EXOC4: variants seen among roughly 807,000 people sequenced by gnomAD.
EXOC4 encodes exocyst complex component 4.
A neutral mutation model predicts 107.2 loss-of-function variants in EXOC4; 71 were observed. The ratio of observed to expected loss-of-function variants is 0.66; its 90% CI spans 0.55 to 0.81. The LOEUF (loss-of-function observed/expected upper bound fraction) is 0.81, where lower values mean the gene tolerates loss of function less well. Among genes scored for constraint, EXOC4 ranks in the 30% least tolerant of loss-of-function variants. The probability of loss-of-function intolerance (pLI) is 0.00; values close to 1 mark genes in which losing one functional copy is unlikely to be tolerated. For missense variants in EXOC4, 1,108 were observed against 1,189.6 expected, an observed-to-expected ratio of 0.93 and a Z score of 1.01; for synonymous variants, 456 against 441.2, an observed-to-expected ratio of 1.03 and a Z score of -0.42.
At chr7:133,940,703 T>C (rs1253328336) in intron 14 of EXOC4, among the ~76,000 whole-genome samples, 1 of 152,174 alleles carries the variant, frequency 6.6e-6, no homozygotes, top group African/African-American at 2.4e-5. Flanking sequence ...CAGGGGATTC[T>C]CTGATAATGG....
chr7:133,422,308 T>C (rs1369565507), intron 7 of EXOC4, among the ~76,000 whole-genome samples: 2 of 152,228 alleles, frequency 1.3e-5, no homozygotes, highest in Non-Finnish European at 2.9e-5. Context: ...AGTGAAGTTA[T>C]TTGATTTCTT....
At chr7:133,472,306 T>C (rs1798898925) in intron 7 of EXOC4, among the ~76,000 whole-genome samples, 1 of 151,932 alleles carries the variant, frequency 6.6e-6, no homozygotes, top group African/African-American at 2.4e-5. Flanking sequence ...TTGAACTAAG[T>C]TGGTGGCTGT....
At chr7:134,086,051 T>A in the EXOC4 span, among the ~76,000 whole-genome samples, 1 of 152,190 alleles carries the variant, frequency 6.6e-6, no homozygotes, top group East Asian at 1.9e-4. Context: ...ACCCCTTGGC[T>A]AAGGCTAGAG....
intron 9 of EXOC4, among the ~76,000 whole-genome samples, chr7:133,514,789 G>A (rs530713164): frequency 6.6e-6 from 1 of 152,282 alleles, no homozygotes; most frequent in African/African-American, 2.4e-5. Context: ...AGGAGTGCTA[G>A]GAACTAGGCA....
intron 10 of EXOC4, among the ~76,000 whole-genome samples, chr7:133,800,706 T>C (rs1368637211): frequency 6.6e-6 from 1 of 152,220 alleles, no homozygotes; most frequent in East Asian, 1.9e-4. Flanking sequence ...CCCCTGGTCA[T>C]TGCTTTCAAA....
intron 11 of EXOC4, among the ~76,000 whole-genome samples, chr7:133,868,295 C>T (rs1798683294): frequency 6.6e-6 from 1 of 152,166 alleles, no homozygotes; most frequent in African/African-American, 2.4e-5. Flanking sequence ...TCTAATCTGC[C>T]TTCTGGAGAT....
chr7:133,518,520 G>T (rs938224598), intron 9 of EXOC4, among the ~76,000 whole-genome samples: 1 of 151,844 alleles, frequency 6.6e-6, no homozygotes, highest in East Asian at 1.9e-4. Flanking sequence ...TGAAAACAGG[G>T]ACTCAAACAG....
chr7:133,901,558 C>T (rs1410148024), intron 12 of EXOC4, among the ~76,000 whole-genome samples: 1 of 152,212 alleles, frequency 6.6e-6, no homozygotes, highest in East Asian at 1.9e-4. Context: ...ATTTCCTCAT[C>T]TGCAAAAAGG....
chr7:133,686,283 C>T (rs1794296772), intron 10 of EXOC4, among the ~76,000 whole-genome samples: 1 of 152,128 alleles, frequency 6.6e-6, no homozygotes, highest in Non-Finnish European at 1.5e-5. Flanking sequence ...GTATTATAAG[C>T]AACAGAAAAT....
intron 7 of EXOC4, among the ~76,000 whole-genome samples, chr7:133,375,851 A>G (rs547038910): frequency 1.3e-5 from 2 of 152,308 alleles, no homozygotes; most frequent in African/African-American, 4.8e-5. Flanking sequence ...TAGAAATTGT[A>G]TTATACTTTT....
rs1352274984 is a variant in EXOC4, at chr7:133,317,275, C to A, written c.657-9C>A. ...GAAAGTGGTAACTAGTGCTTCTTTT[C>A]CCGTTCAGCTCCCTCGTGAAAGATG... On this transcript the variant is annotated splice_polypyrimidine_tract_variant and intron_variant, in intron 4 of 17. Transcript: ENST00000253861. The A allele has an allele frequency of 1.9e-6, 3 of 1,600,058 alleles. No homozygotes were observed. The highest frequency in any genetic ancestry group is 2.2e-5 in the South Asian group (2 of 90,702).
intron 11 of EXOC4, among the ~76,000 whole-genome samples, chr7:133,862,158 CT>C (rs1231355625): frequency 5.3e-3 from 740 of 139,962 alleles, no homozygotes; most frequent in Non-Finnish European, 5.5e-3. Flanking sequence ...AGTTTTCTTT[CT>C]TTTTTTTTTT....
intron 9 of EXOC4, among the ~76,000 whole-genome samples, chr7:133,592,066 T>C (rs1801562378): frequency 6.6e-6 from 1 of 151,286 alleles, no homozygotes; most frequent in Non-Finnish European, 1.5e-5. Context: ...CTTTTCTTTT[T>C]TCTTGTTTTT....
intron 11 of EXOC4, among the ~76,000 whole-genome samples, chr7:133,840,627 C>A (rs1456958365): frequency 6.6e-6 from 1 of 152,028 alleles, no homozygotes; most frequent in Non-Finnish European, 1.5e-5. Context: ...GGACTACAGG[C>A]ACGCTCCACC....
At chr7:133,717,257 G>A (rs1011845350) in intron 10 of EXOC4, among the ~76,000 whole-genome samples, 2 of 152,138 alleles carry the variant, frequency 1.3e-5, no homozygotes, top group Admixed American at 1.3e-4. Context: ...GAGAACTTTC[G>A]ATCATAAAGT....
At chr7:133,745,081 G>C (rs919753043) in intron 10 of EXOC4, among the ~76,000 whole-genome samples, 11 of 152,058 alleles carry the variant, frequency 7.2e-5, no homozygotes, top group Non-Finnish European at 1.3e-4. Context: ...CCCCTTTCTT[G>C]ATCCTTTTTA....
chr7:133,982,075 G>A (rs910255517), intron 14 of EXOC4, among the ~76,000 whole-genome samples: 3 of 152,120 alleles, frequency 2.0e-5, no homozygotes, highest in African/African-American at 7.2e-5. Context: ...GACACAGAAG[G>A]GAACAACAGA....
chr7:133,724,157 G>A (rs1196242767), intron 10 of EXOC4, among the ~76,000 whole-genome samples: 2 of 152,216 alleles, frequency 1.3e-5, no homozygotes, highest in Non-Finnish European at 2.9e-5. Context: ...TCAATGGTAA[G>A]TTTAGTCTTA....
chr7:133,657,209 T>C (rs1183911226), intron 10 of EXOC4, among the ~76,000 whole-genome samples: 1 of 152,186 alleles, frequency 6.6e-6, no homozygotes, highest in Non-Finnish European at 1.5e-5. Context: ...TCAGTTTCTT[T>C]CCATTCCTAG....
Sources: allele counts gnomAD v4.1 joint callset (sites outside exome capture counted in the v4.1 genomes callset), GRCh38; gene constraint gnomAD v4.1.1; transcripts MANE v1.5; gene names NCBI Gene and HGNC (gene_info 2026-07-23, HGNC 2026-07-21).